The following PSMB7 variants were observed in gnomAD, a reference collection of about 807,000 sequenced individuals.
PSMB7 encodes the protein proteasome 20S subunit beta 7, also known as proteasome subunit beta type-7.
In PSMB7, 5 loss-of-function variants were observed where a neutral mutation model predicts 28.1. The observed-to-expected ratio is 0.18, with a 90% confidence interval of 0.09 to 0.37. PSMB7 has a LOEUF of 0.37. PSMB7 is among the 10% of genes least tolerant of loss of function. The probability of loss-of-function intolerance (pLI) is 1.00; values close to 1 mark genes in which losing one functional copy is unlikely to be tolerated. For synonymous variants in PSMB7, 122 were observed against 123.7 expected, an observed-to-expected ratio of 0.99 and a Z score of 0.09; for missense variants, 275 against 346.2, an observed-to-expected ratio of 0.79 and a Z score of 1.63.
Position 124,353,577 on chromosome 9 carries a change from C to G in PSMB7, c.*21G>C, listed in dbSNP as rs1225172640. On this transcript the variant is annotated 3_prime_UTR_variant, in exon 8 of 8. Transcript: ENST00000259457. ...TGCTCACCACCTTCCAGAACCGCGGCCAGCCACCCACTGATGCCATTCAGG... is the reference window on the plus strand; with the variant it reads ...TGCTCACCACCTTCCAGAACCGCGGGCAGCCACCCACTGATGCCATTCAGG... 8.3e-6 allele frequency: 13 copies of G among 1,560,370 alleles called. No individual in the cohort carries two copies. Among genetic ancestry groups the G allele is most frequent in the African/African-American group, 4.1e-5 (3 of 73,720 alleles).
chr9:124,381,067 TC>T (rs1303481770), intron 6 of PSMB7, among the ~76,000 whole-genome samples: 2 of 152,240 alleles, frequency 1.3e-5, no homozygotes, highest in African/African-American at 4.8e-5. Flanking sequence ...GTATTAAGTC[TC>T]TGAAACCTGG....
intron 6 of PSMB7, among the ~76,000 whole-genome samples, chr9:124,374,521 A>G (rs745512765): frequency 1.3e-5 from 2 of 152,230 alleles, no homozygotes; most frequent in African/African-American, 2.4e-5. Context: ...ACACTTTAAT[A>G]TTAATTTTTT....
chr9:124,353,682 C>T lies in PSMB7; in HGVS notation c.750G>A (p.Gly250=). The T allele has an allele frequency of 6.2e-7, 1 of 1,613,924 alleles. No individual in the cohort carries two copies. The highest frequency in any genetic ancestry group is 8.5e-7 in the Non-Finnish European group (1 of 1,179,802). ...TRLGRYRCEK[G]TTAVLTEKIT... ...TTTTCTCAGTGAGGACTGCAGTAGT[C>T]CCTTTCTCACACCTGTACCGGCCAA... is the stretch of plus-strand genomic sequence containing the variant. The change falls in exon 8 of 8, where the codon GGG becomes GGA. Residue 250 remains glycine (G), a synonymous_variant. Transcript: ENST00000259457.
chr9:124,384,295 C>T (rs1830697293), intron 6 of PSMB7: 3 of 335,582 alleles, frequency 8.9e-6, no homozygotes, highest in Non-Finnish European at 1.6e-5. Context: ...ACACAGAAAG[C>T]TTGGTGCGCA....
At chr9:124,362,656 C>A (rs764832477) in intron 6 of PSMB7, among the ~76,000 whole-genome samples, 3 of 151,784 alleles carry the variant, frequency 2.0e-5, no homozygotes, top group Non-Finnish European at 4.4e-5. Context: ...ATATATTGTA[C>A]AACATACTGG....
rs755372440 is a variant in PSMB7 at position 124,415,421 on chromosome 9, G to T, written c.5C>A (p.Ala2Glu). ...TGGTGGAGCATACACCGACACAGCC[G>T]CCATCTTCCCAAGAAAGCAGTTCCG... is the stretch of plus-strand genomic sequence containing the variant. M[A>E]AVSVYAPPVG... The change falls in exon 1 of 8, where the codon GCG (alanine) becomes GAG (glutamate). Residue 2 changes from alanine (A) to glutamate (E), a missense_variant. By Grantham distance (107) the Ala-to-Glu change is moderately radical. This residue lies in a region of PSMB7 where 62 missense variants were observed against 43.9 expected (regional missense o/e 1.41). Transcript: ENST00000259457. 4 of 1,613,918 alleles carry T rather than the reference G, an allele frequency of 2.5e-6. No individual in the cohort carries two copies. Among genetic ancestry groups the T allele is most frequent in the East Asian group, 2.2e-5 (1 of 44,894 alleles).
intron 7 of PSMB7, 58 bp from the exon 8 acceptor site, chr9:124,353,767 A>C: frequency 2.4e-6 from 3 of 1,275,520 alleles, no homozygotes; most frequent in Non-Finnish European, 3.4e-6. Context: ...GCCAGAGGGC[A>C]GAAGACAGTG....
At chr9:124,390,449 G>T (rs114303865) in intron 5 of PSMB7, among the ~76,000 whole-genome samples, 11 of 152,110 alleles carry the variant, frequency 7.2e-5, no homozygotes, top group African/African-American at 2.7e-4. Context: ...TAAATGTAAA[G>T]GTTCAACAAT....
chr9:124,395,912 C>T (rs1427064822), intron 5 of PSMB7, among the ~76,000 whole-genome samples: 1 of 152,184 alleles, frequency 6.6e-6, no homozygotes, highest in East Asian at 1.9e-4. Flanking sequence ...CCTACACCAG[C>T]ACAGCTCCTC....
chr9:124,372,757 T>C (rs1186565151), intron 6 of PSMB7, among the ~76,000 whole-genome samples: 1 of 152,086 alleles, frequency 6.6e-6, no homozygotes, highest in African/African-American at 2.4e-5. Flanking sequence ...GTTCTAAAGA[T>C]AGAGAGATGA....
chr9:124,368,782 T>C (rs1416687240), intron 6 of PSMB7, among the ~76,000 whole-genome samples: 1 of 152,234 alleles, frequency 6.6e-6, no homozygotes, highest in African/African-American at 2.4e-5. Flanking sequence ...ATAAGCATTT[T>C]ACAAACACTG....
At chr9:124,373,500 G>A (rs1206188478) in intron 6 of PSMB7, among the ~76,000 whole-genome samples, 1 of 152,184 alleles carries the variant, frequency 6.6e-6, no homozygotes, top group Non-Finnish European at 1.5e-5. Context: ...GCCTCAGGGG[G>A]AGCCTCTGAA....
chr9:124,401,381 G>A (rs916068261), intron 5 of PSMB7, among the ~76,000 whole-genome samples: 1 of 152,228 alleles, frequency 6.6e-6, no homozygotes, highest in Non-Finnish European at 1.5e-5. Flanking sequence ...GAATTTACCT[G>A]TCTAATACCT....
chr9:124,359,366 A>C (rs1275992808), intron 6 of PSMB7, among the ~76,000 whole-genome samples: 1 of 152,192 alleles, frequency 6.6e-6, no homozygotes, highest in Non-Finnish European at 1.5e-5. Context: ...TATGCTCACT[A>C]AAACAATCAA....
intron 6 of PSMB7, among the ~76,000 whole-genome samples, chr9:124,360,703 G>A (rs777404153): frequency 1.3e-5 from 2 of 152,214 alleles, no homozygotes; most frequent in Non-Finnish European, 2.9e-5. Flanking sequence ...CAGGTTCAAG[G>A]AGACATGGAG....
intron 7 of PSMB7, among the ~76,000 whole-genome samples, chr9:124,355,058 C>T (rs529159841): frequency 3.3e-5 from 5 of 152,344 alleles, no homozygotes; most frequent in Admixed American, 1.3e-4. Flanking sequence ...TCGCCCTGCC[C>T]GCACCCTAGC....
intron 4 of PSMB7, among the ~76,000 whole-genome samples, chr9:124,411,424 CT>C (rs1831026351): frequency 6.6e-6 from 1 of 152,216 alleles, no homozygotes; most frequent in South Asian, 2.1e-4. Context: ...CCGTGCTCCC[CT>C]TTAATTCTCA....
intron 6 of PSMB7, among the ~76,000 whole-genome samples, chr9:124,359,524 A>C (rs1458234102): frequency 6.6e-6 from 1 of 152,226 alleles, no homozygotes; most frequent in Non-Finnish European, 1.5e-5. Flanking sequence ...ACAAGGTCAC[A>C]CAGCAGGTAA....
chr9:124,366,627 C>T (rs941407134), intron 6 of PSMB7, among the ~76,000 whole-genome samples: 1 of 152,186 alleles, frequency 6.6e-6, no homozygotes, highest in African/African-American at 2.4e-5. Context: ...TACAGTAACA[C>T]CCTAGGCCTT....
Sources: allele counts gnomAD v4.1 joint callset (sites outside exome capture counted in the v4.1 genomes callset), GRCh38; gene constraint gnomAD v4.1.1; regional missense constraint gnomAD v4.1.1; transcripts MANE v1.5; gene names NCBI Gene and HGNC (gene_info 2026-07-23, HGNC 2026-07-21).